The following NALCN variants were observed in gnomAD, a reference collection of about 807,000 sequenced individuals.
NALCN encodes sodium leak channel NALCN.
A neutral mutation model predicts 225.3 loss-of-function variants in NALCN; 111 were observed. That is an observed-to-expected ratio of 0.49 (90% CI 0.42 to 0.58). NALCN has a LOEUF of 0.58. Among genes scored for constraint, NALCN ranks in the 20% least tolerant of loss-of-function variants. The pLI is 0.00. For missense variants in NALCN, 1,378 were observed against 2,202.4 expected (o/e 0.63, Z 7.49); for synonymous variants, 764 against 769.0 (o/e 0.99, Z 0.11).
intron 13 of NALCN, among the ~76,000 whole-genome samples, chr13:101,212,142 C>A (rs764052394): frequency 6.6e-6 from 1 of 152,076 alleles, no homozygotes; most frequent in Non-Finnish European, 1.5e-5. Flanking sequence ...CTCTAATTTA[C>A]TCATTTGGTT....
chr13:101,281,190 C>G (rs904981979), intron 10 of NALCN, among the ~76,000 whole-genome samples: 7 of 152,142 alleles, frequency 4.6e-5, no homozygotes, highest in Non-Finnish European at 1.0e-4. Context: ...TGCACTAAAA[C>G]CTTCCCTGAC....
chr13:101,063,015 TA>T (rs2032085539), intron 40 of NALCN, among the ~76,000 whole-genome samples: 1 of 152,206 alleles, frequency 6.6e-6, no homozygotes, highest in African/African-American at 2.4e-5. Context: ...AACACAGCAT[TA>T]CAGTTCATGG....
intron 11 of NALCN, among the ~76,000 whole-genome samples, chr13:101,240,403 T>C (rs1411368419): frequency 6.6e-6 from 1 of 151,932 alleles, no homozygotes; most frequent in Non-Finnish European, 1.5e-5. Context: ...CCCAGTTAGT[T>C]CCAGTGGGAA....
intron 11 of NALCN, among the ~76,000 whole-genome samples, chr13:101,240,666 C>A (rs2041726486): frequency 1.3e-5 from 2 of 151,972 alleles, no homozygotes; most frequent in South Asian, 2.1e-4. Flanking sequence ...ATAACTTGCT[C>A]CTTGTTTTCA....
At chr13:101,256,544 T>C (rs561830917) in intron 11 of NALCN, among the ~76,000 whole-genome samples, 51 of 152,154 alleles carry the variant, frequency 3.4e-4, no homozygotes, top group Admixed American at 9.8e-4. Flanking sequence ...TAATGTTGCA[T>C]TTGCTGTATT....
intron 15 of NALCN, among the ~76,000 whole-genome samples, chr13:101,154,756 T>G (rs1467043079): frequency 6.6e-6 from 1 of 152,206 alleles, no homozygotes; most frequent in Non-Finnish European, 1.5e-5. Flanking sequence ...TTCTCTTCAT[T>G]CTATTATTGT....
chr13:101,399,585 G>A (rs1249412854), intron 1 of NALCN, among the ~76,000 whole-genome samples: 1 of 152,174 alleles, frequency 6.6e-6, no homozygotes, highest in Non-Finnish European at 1.5e-5. Flanking sequence ...TTTCCCCAGT[G>A]TTAATTTAAT....
At chr13:101,148,518 C>T (rs1258223232) in intron 15 of NALCN, among the ~76,000 whole-genome samples, 5 of 152,190 alleles carry the variant, frequency 3.3e-5, no homozygotes, top group Admixed American at 3.3e-4. Context: ...GAGGATCCAG[C>T]TGGACAAAAA....
At chr13:101,108,815 C>A (rs2035280474) in intron 20 of NALCN, among the ~76,000 whole-genome samples, 1 of 152,204 alleles carries the variant, frequency 6.6e-6, no homozygotes, top group Non-Finnish European at 1.5e-5. Context: ...ACTTAATTAT[C>A]TGTGTCTGCT....
Position 101,283,918 on chromosome 13 carries a change from G to A in NALCN, c.1134+15C>T. ...CCTTTGCTGGGCGATTTTTAAAAATGTCATTGTACTGCACCTGGAGGCAGG... is the reference window on the plus strand; with the variant it reads ...CCTTTGCTGGGCGATTTTTAAAAATATCATTGTACTGCACCTGGAGGCAGG... On this transcript the variant is annotated intron_variant, in intron 10 of 43. Coordinates refer to ENST00000251127, the MANE Select transcript of NALCN (RefSeq NM_052867.4). 1 of 1,590,514 alleles carries A rather than the reference G, an allele frequency of 6.3e-7. No individual in the cohort carries two copies. The highest frequency in any genetic ancestry group is 8.5e-7 in the Non-Finnish European group (1 of 1,171,656).
intron 15 of NALCN, among the ~76,000 whole-genome samples, chr13:101,169,551 T>C (rs1350046202): frequency 2.0e-5 from 3 of 152,206 alleles, no homozygotes. Context: ...ATTTGGCTTC[T>C]TCTTTGAATA....
chr13:101,061,494 G>A (rs570080649), intron 41 of NALCN, among the ~76,000 whole-genome samples: 1 of 151,948 alleles, frequency 6.6e-6, no homozygotes, highest in East Asian at 1.9e-4. Flanking sequence ...TGATTCTCAT[G>A]CCTCAGCCTC....
At chr13:101,070,063 G>GTTTTGT (rs2032742883) in intron 37 of NALCN, among the ~76,000 whole-genome samples, 2 of 98,314 alleles carry the variant, frequency 2.0e-5, no homozygotes, top group Non-Finnish European at 3.7e-5. Flanking sequence ...AATCATGAAT[G>GTTTTGT]TTTTTTTTTT....
At chr13:101,223,530 GC>G (rs1186216908) in intron 13 of NALCN, among the ~76,000 whole-genome samples, 1 of 151,816 alleles carries the variant, frequency 6.6e-6, no homozygotes, top group Non-Finnish European at 1.5e-5. Flanking sequence ...TCTGATAATG[GC>G]CCTGAATTCA....
chr13:101,186,387 C>A (rs899719482), intron 14 of NALCN, among the ~76,000 whole-genome samples: 2 of 152,112 alleles, frequency 1.3e-5, no homozygotes, highest in Non-Finnish European at 2.9e-5. Context: ...TAGGTTAGTA[C>A]CTGCACGTGG....
At chr13:101,405,631 C>G (rs1284050352) in intron 1 of NALCN, among the ~76,000 whole-genome samples, 1 of 152,216 alleles carries the variant, frequency 6.6e-6, no homozygotes, top group Non-Finnish European at 1.5e-5. Flanking sequence ...CCTCCACAGC[C>G]TCTCACACGC....
In NALCN at chr13:101,292,204, AG is replaced by A; in HGVS notation, c.942+19del. ...ACTATCACAGAACATAGACTTTCTT[AG>A]TACAATTCTTCGCAGTACCTTCACA... On this transcript the variant is annotated intron_variant, in intron 8 of 43. Coordinates refer to ENST00000251127, the MANE Select transcript of NALCN (RefSeq NM_052867.4). The surrounding 1 kb of genome is among the most constrained non-coding windows in gnomAD (Gnocchi z 4.3). The A allele has an allele frequency of 6.2e-7, 1 of 1,613,684 alleles. No homozygotes were observed.
intron 20 of NALCN, among the ~76,000 whole-genome samples, chr13:101,109,161 T>C (rs1178947893): frequency 6.6e-6 from 1 of 152,238 alleles, no homozygotes; most frequent in Non-Finnish European, 1.5e-5. Flanking sequence ...GTTGCCTCTT[T>C]GACTTTTCAC....
chr13:101,357,061 C>T (rs565199455), intron 6 of NALCN, among the ~76,000 whole-genome samples: 15 of 152,248 alleles, frequency 9.9e-5, no homozygotes, highest in South Asian at 6.2e-4. Flanking sequence ...CTATTTGTGA[C>T]AAACCCACAG....
Sources: gnomAD v4.1 joint callset for allele counts (sites outside exome capture counted in the v4.1 genomes callset) on GRCh38, gnomAD v4.1.1 for gene constraint, Gnocchi (gnomAD v3.1) non-coding constraint, MANE v1.5 for transcripts, NCBI Gene and HGNC (gene_info 2026-07-23, HGNC 2026-07-21) for gene names.